LRRC4C: variants seen among roughly 807,000 people sequenced by gnomAD.
LRRC4C encodes the protein leucine-rich repeat-containing protein 4C.
A neutral mutation model predicts 33.6 loss-of-function variants in LRRC4C; 5 were observed. The ratio of observed to expected loss-of-function variants is 0.15; its 90% confidence interval spans 0.08 to 0.31. The LOEUF is 0.31. LRRC4C is among the 10% of genes least tolerant of loss of function. The pLI, the probability that LRRC4C is intolerant of heterozygous loss-of-function variation, is 1.00. For synonymous variants in LRRC4C, 329 were observed against 302.0 expected (o/e 1.09, Z -0.93); for missense variants, 560 against 796.7 (o/e 0.70, Z 3.58).
At position 40,711,531 on chromosome 11, in the gene LRRC4C, A is replaced by T. The variant is rs77942448; in HGVS notation, c.-406-63253T>A. 7.5e-4 allele frequency among the ~76,000 whole-genome samples: 114 copies of T among 152,330 alleles called. 1 individual carries two copies. In the East Asian group the frequency reaches 0.021, roughly 28 times the overall value. The stretch of plus-strand genomic sequence containing the variant: ...TTTATAGAGGCAGCAGTCATCATTT[A>T]TAATACATATGTAGAATTTTTGTAA... On this transcript the variant is annotated intron_variant, in intron 2 of 6. Coordinates refer to ENST00000528697, the MANE Select transcript of LRRC4C (RefSeq NM_001258419.2).
At chr11:40,383,474 C>T (rs1035923720) in intron 3 of LRRC4C, among the ~76,000 whole-genome samples, 8 of 152,124 alleles carry the variant, frequency 5.3e-5, no homozygotes, top group African/African-American at 1.7e-4. Flanking sequence ...ACATTCCTAC[C>T]AACAGAGTAT....
At chr11:40,482,221 A>C (rs1230377768) in intron 3 of LRRC4C, among the ~76,000 whole-genome samples, 1 of 152,192 alleles carries the variant, frequency 6.6e-6, no homozygotes, top group Non-Finnish European at 1.5e-5. Flanking sequence ...GATTAATGAC[A>C]GGTGAAAAAA....
chr11:40,465,955 G>A (rs1035224160), intron 3 of LRRC4C, among the ~76,000 whole-genome samples: 3 of 151,946 alleles, frequency 2.0e-5, no homozygotes, highest in African/African-American at 7.2e-5. Flanking sequence ...GTATCAAAAA[G>A]ATACTTGCAC....
intron 3 of LRRC4C, among the ~76,000 whole-genome samples, chr11:40,333,910 G>C (rs369775719): frequency 2.3e-4 from 35 of 151,916 alleles, no homozygotes; most frequent in African/African-American, 8.4e-4. Flanking sequence ...GAGTGATAGG[G>C]AGGAAGGAAA....
Position 40,532,107 on chromosome 11 carries a change from C to T in LRRC4C, c.-270+116035G>A, listed in dbSNP as rs554224858. Among the ~76,000 whole-genome samples, 9 of 150,500 alleles carry T rather than the reference C, an allele frequency of 6.0e-5. No individual in the cohort carries two copies. The South Asian group carries it at 1.7e-3, about 28-fold the overall frequency. On this transcript the variant is annotated intron_variant, in intron 3 of 6. Transcript: ENST00000528697. ...GCACTCGTAGTTTCTAGATAAATAA[C>T]CTGAAGCTTGGAGAAGTTTTGGAAT...
At chr11:40,686,030 T>G (rs977432825) in intron 2 of LRRC4C, among the ~76,000 whole-genome samples, 3 of 151,886 alleles carry the variant, frequency 2.0e-5, no homozygotes, top group Non-Finnish European at 4.4e-5. Context: ...ATAAACTACT[T>G]CTATGGCCCC....
At chr11:41,023,373 G>A (rs1856117115) in intron 1 of LRRC4C, among the ~76,000 whole-genome samples, 1 of 151,754 alleles carries the variant, frequency 6.6e-6, no homozygotes, top group African/African-American at 2.4e-5. Flanking sequence ...CTAAAAGTGA[G>A]TATACAAGAG....
At chr11:40,738,337 G>C (rs923497623) in intron 2 of LRRC4C, among the ~76,000 whole-genome samples, 1 of 152,072 alleles carries the variant, frequency 6.6e-6, no homozygotes, top group South Asian at 2.1e-4. Flanking sequence ...ATGGCCTTTT[G>C]TGGGACTTCC....
chr11:41,391,751 C>T (rs1040162199), intron 1 of LRRC4C, among the ~76,000 whole-genome samples: 1 of 151,840 alleles, frequency 6.6e-6, no homozygotes, highest in Non-Finnish European at 1.5e-5. Flanking sequence ...AAAGTAAACA[C>T]ATATTTAGAT....
chr11:40,114,849 C>A lies in LRRC4C; in HGVS notation c.1444G>T (p.Val482Phe). ...GTCACATTGGTGGTCTCCCAGTCGA[C>A]CACTGGAGTGGGACCCACATTGTTA... ...TDNNVGPTPV[V>F]DWETTNVTTS... The change falls in exon 7 of 7, where the codon GTC (valine) becomes TTC (phenylalanine). Residue 482 changes from valine (V) to phenylalanine (F), a missense_variant. Val to Phe is a conservative substitution (Grantham distance 50). Around this residue, in one of 3 missense-constraint regions of LRRC4C, gnomAD observed 455 missense variants for 643.8 expected, o/e 0.71. Transcript: ENST00000528697. 1 of 1,614,158 alleles carries A rather than the reference C, an allele frequency of 6.2e-7. No homozygotes were observed. Among genetic ancestry groups the A allele is most frequent in the Non-Finnish European group, 8.5e-7 (1 of 1,180,012 alleles).
At chr11:41,020,864 T>A (rs952140453) in intron 1 of LRRC4C, among the ~76,000 whole-genome samples, 1 of 152,146 alleles carries the variant, frequency 6.6e-6, no homozygotes, top group African/African-American at 2.4e-5. Context: ...ATCCTTTAAA[T>A]GTGTTGTTTC....
At chr11:40,194,277 C>T (rs1314633911) in intron 5 of LRRC4C, among the ~76,000 whole-genome samples, 1 of 152,180 alleles carries the variant, frequency 6.6e-6, no homozygotes, top group South Asian at 2.1e-4. Flanking sequence ...ACCCTACAAA[C>T]CAGAAGAGAG....
intron 3 of LRRC4C, among the ~76,000 whole-genome samples, chr11:40,440,718 T>G (rs1210411374): frequency 6.6e-6 from 1 of 152,206 alleles, no homozygotes; most frequent in Non-Finnish European, 1.5e-5. Flanking sequence ...TGTGGTGATC[T>G]GAAAACCCAG....
intron 1 of LRRC4C, among the ~76,000 whole-genome samples, chr11:41,391,690 A>C (rs1953602578): frequency 6.6e-6 from 1 of 151,898 alleles, no homozygotes; most frequent in African/African-American, 2.4e-5. Context: ...CAGTCTTACA[A>C]CTGACAGACA....
chr11:40,898,483 G>A (rs974498275), intron 2 of LRRC4C, among the ~76,000 whole-genome samples: 6 of 151,712 alleles, frequency 4.0e-5, no homozygotes, highest in South Asian at 2.1e-4. Context: ...ATAATCATAC[G>A]GATAGAAAAG....
chr11:40,605,605 T>C (rs1268827425), intron 3 of LRRC4C, among the ~76,000 whole-genome samples: 1 of 152,106 alleles, frequency 6.6e-6, no homozygotes, highest in Non-Finnish European at 1.5e-5. Context: ...AAATTCTCCC[T>C]GGGGGAAGAA....
At chr11:40,369,968 G>A (rs542159502) in intron 3 of LRRC4C, among the ~76,000 whole-genome samples, 18 of 152,086 alleles carry the variant, frequency 1.2e-4, no homozygotes, top group Non-Finnish European at 2.1e-4. Context: ...TGAATATATC[G>A]ATCAGGTTAT....
intron 3 of LRRC4C, among the ~76,000 whole-genome samples, chr11:40,536,541 A>C (rs1232160001): frequency 1.3e-5 from 2 of 152,176 alleles, no homozygotes; most frequent in Admixed American, 6.5e-5. Context: ...ACACATGCAC[A>C]AATCTGAGAA....
rs569301462 is a variant in LRRC4C at position 40,469,396 on chromosome 11, G to A, written c.-269-149675C>T. On this transcript the variant is annotated intron_variant, in intron 3 of 6. Transcript: ENST00000528697. The stretch of plus-strand genomic sequence containing the variant: ...GGTCTTCGCAACCCACAGACCAGGA[G>A]ATTCCCTCAGGTGACTATACCACCA... 2.0e-5 allele frequency among the ~76,000 whole-genome samples: 3 copies of A among 152,302 alleles called. No homozygotes were observed. In the South Asian group the frequency reaches 6.2e-4, roughly 32 times the overall value.
Sources: allele counts gnomAD v4.1 joint callset (sites outside exome capture counted in the v4.1 genomes callset), GRCh38; gene constraint gnomAD v4.1.1; regional missense constraint gnomAD v4.1.1; transcripts MANE v1.5; gene names NCBI Gene and HGNC (gene_info 2026-07-23, HGNC 2026-07-21).